The following SYNE2 variants were observed in gnomAD, a reference collection of about 807,000 sequenced individuals.
SYNE2 encodes nesprin-2.
In SYNE2, 431 loss-of-function variants were observed where a neutral mutation model predicts 856.3. The observed-to-expected ratio is 0.50, with a 90% CI of 0.47 to 0.55. The LOEUF (loss-of-function observed/expected upper bound fraction) is 0.55. Among genes scored for constraint, SYNE2 ranks in the 20% least tolerant of loss-of-function variants. The pLI is 0.00. For missense variants in SYNE2, 8,129 were observed against 8,023.2 expected (o/e 1.01, Z -0.50); for synonymous variants, 2,923 against 2,872.3 (o/e 1.02, Z -0.56).
rs748462055 is a variant in SYNE2, at chr14:64,053,582, G to A, written c.9669G>A (p.Ala3223=). ...AAAGAGAAGAAAACTCTTCTGAAGCGAGTGATGTGGAGACAAAACTACGTG... is the reference window on the plus strand; with the variant it reads ...AAAGAGAAGAAAACTCTTCTGAAGCAAGTGATGTGGAGACAAAACTACGTG... ...EKQREENSSE[A]SDVETKLREF... is the part of the protein sequence containing the mutation. The change falls in exon 48 of 116, where the codon GCG becomes GCA. Residue 3223 remains alanine (A), a synonymous_variant. Transcript: ENST00000555002. 1.9e-6 allele frequency: 3 copies of A among 1,613,998 alleles called. No individual in the cohort carries two copies. The highest frequency in any genetic ancestry group is 2.7e-5 in the African/African-American group (2 of 75,062).
intron 8 of SYNE2, chr14:63,956,395 GATTTA>G (rs2096242192): frequency 2.2e-6 from 1 of 456,264 alleles, no homozygotes; most frequent in Non-Finnish European, 4.4e-6. Context: ...GCATTTATAT[GATTTA>G]ATTTTTATTG....
At chr14:63,870,049 G>GAA (rs1434075777) in intron 1 of SYNE2, among the ~76,000 whole-genome samples, 1 of 152,008 alleles carries the variant, frequency 6.6e-6, no homozygotes, top group African/African-American at 2.4e-5. Context: ...ACATTATTGC[G>GAA]AAACACAGCT....
At chr14:64,088,427 C>G (rs1183375117) in intron 58 of SYNE2, among the ~76,000 whole-genome samples, 2 of 152,110 alleles carry the variant, frequency 1.3e-5, no homozygotes, top group Non-Finnish European at 2.9e-5. Context: ...AGAAATACTA[C>G]TGATTTTTAA....
intron 85 of SYNE2, 57 bp from the exon 86 acceptor site, chr14:64,158,568 G>A: frequency 1.3e-6 from 2 of 1,573,678 alleles, no homozygotes; most frequent in Non-Finnish European, 1.7e-6. Flanking sequence ...TAGATCTGTT[G>A]GAGAGCATGT....
chr14:64,015,816 G>T (rs372457982), intron 32 of SYNE2, among the ~76,000 whole-genome samples: 2 of 151,842 alleles, frequency 1.3e-5, no homozygotes, highest in East Asian at 3.8e-4. Context: ...TTTAATGTAT[G>T]CATTTAGTGC....
chr14:63,835,709 C>A (rs929176968), intron 1 of SYNE2, among the ~76,000 whole-genome samples: 1 of 152,008 alleles, frequency 6.6e-6, no homozygotes, highest in Non-Finnish European at 1.5e-5. Flanking sequence ...CAAGGCCGGG[C>A]GTGGTGGCTA....
chr14:64,165,813 C>CT (rs2098374263), intron 90 of SYNE2, among the ~76,000 whole-genome samples: 1 of 152,190 alleles, frequency 6.6e-6, no homozygotes, highest in African/African-American at 2.4e-5. Flanking sequence ...TGCGCCTGGC[C>CT]TAACTCACCC....
intron 100 of SYNE2, among the ~76,000 whole-genome samples, chr14:64,206,901 A>G (rs566550823): frequency 1.3e-5 from 2 of 152,316 alleles, no homozygotes; most frequent in Admixed American, 1.3e-4. Context: ...TGGGATATGT[A>G]TCTTCTAATT....
At chr14:63,780,810 A>G (rs1334629503) in intron 1 of SYNE2, among the ~76,000 whole-genome samples, 2 of 152,218 alleles carry the variant, frequency 1.3e-5, no homozygotes, top group Non-Finnish European at 2.9e-5. Context: ...CTTCATTTGC[A>G]TGTTGTTCTA....
chr14:64,043,510 A>T (rs1284450700), intron 45 of SYNE2, among the ~76,000 whole-genome samples: 1 of 143,986 alleles, frequency 6.9e-6, no homozygotes, highest in African/African-American at 2.5e-5. Flanking sequence ...AAAAAAAAAA[A>T]TGGTTTTGTG....
At chr14:64,199,349 A>C (rs1458219598) in intron 99 of SYNE2, among the ~76,000 whole-genome samples, 1 of 152,204 alleles carries the variant, frequency 6.6e-6, no homozygotes, top group African/African-American at 2.4e-5. Flanking sequence ...GCTATTGACC[A>C]TGTGACTTGG....
At chr14:63,967,589 GA>G in intron 10 of SYNE2, 119 bp from the exon 11 acceptor site, 2 of 1,008,612 alleles carry the variant, frequency 2.0e-6, no homozygotes, top group Non-Finnish European at 2.9e-6. Context: ...GGATTCAGGG[GA>G]TTTTACCTTT....
At chr14:63,774,604 G>A (rs183419169) in intron 1 of SYNE2, among the ~76,000 whole-genome samples, 13 of 151,360 alleles carry the variant, frequency 8.6e-5, no homozygotes, top group African/African-American at 3.2e-4. Flanking sequence ...GTGTGATCAC[G>A]GCTCACTGCA....
chr14:63,951,915 T>A (rs997696919), intron 7 of SYNE2, among the ~76,000 whole-genome samples: 2 of 152,260 alleles, frequency 1.3e-5, no homozygotes, highest in African/African-American at 4.8e-5. Flanking sequence ...ACTGTAGAGC[T>A]TATGCTAAGC....
chr14:64,085,072 A>AT (rs748452035), intron 57 of SYNE2: 30,799 of 493,270 alleles, frequency 0.062, 2 homozygotes, highest in South Asian at 0.08. Flanking sequence ...CAGAAGCCAC[A>AT]TTTTTTTTTT....
At chr14:64,125,705 TGGCCCCAGC>T (rs2097938165) in intron 71 of SYNE2, among the ~76,000 whole-genome samples, 1 of 152,040 alleles carries the variant, frequency 6.6e-6, no homozygotes, top group African/African-American at 2.4e-5. Context: ...GAAAAAGAGG[TGGCCCCAGC>T]AGCTTATGCT....
At chr14:63,876,424 T>C (rs1000974689) in intron 1 of SYNE2, among the ~76,000 whole-genome samples, 22 of 151,930 alleles carry the variant, frequency 1.4e-4, no homozygotes, top group Non-Finnish European at 2.9e-4. Context: ...CAAAATCTTA[T>C]TTAATTGCAG....
chr14:64,186,322 C>G, intron 96 of SYNE2, 102 bp from the exon 97 acceptor site: 1 of 1,492,004 alleles, frequency 6.7e-7, no homozygotes, highest in Non-Finnish European at 9.3e-7. Flanking sequence ...CTCTCCTGGC[C>G]TCCCCTCCCC....
chr14:63,786,320 G>T (rs1887527625), intron 1 of SYNE2, among the ~76,000 whole-genome samples: 2 of 151,952 alleles, frequency 1.3e-5, no homozygotes, highest in African/African-American at 4.8e-5. Flanking sequence ...AGGCAAGAGG[G>T]TCACTTGAGC....
Sources: gnomAD v4.1 joint callset for allele counts (sites outside exome capture counted in the v4.1 genomes callset) on GRCh38, gnomAD v4.1.1 for gene constraint, MANE v1.5 for transcripts, NCBI Gene and HGNC (gene_info 2026-07-23, HGNC 2026-07-21) for gene names.